Variants in HSPA12A observed in about 807,000 individuals in gnomAD.
HSPA12A encodes heat shock 70 kDa protein 12A.
In HSPA12A, 28 loss-of-function variants were observed where a neutral mutation model predicts 69.2. That is an observed-to-expected ratio of 0.40 (90% CI 0.30 to 0.55). HSPA12A has a LOEUF of 0.55. Among genes scored for constraint, HSPA12A ranks in the 20% least tolerant of loss-of-function variants. The pLI is 0.38. For missense variants in HSPA12A, 686 were observed against 900.7 expected (o/e 0.76, Z 3.05); for synonymous variants, 345 against 370.5 (o/e 0.93, Z 0.79).
chr10:116,701,229 G>A (rs2132966379), intron 3 of HSPA12A, 100 bp from the exon 4 acceptor site: 2 of 1,160,498 alleles, frequency 1.7e-6, no homozygotes, highest in African/African-American at 1.5e-5. Context: ...TGTCAGTAAT[G>A]TGGGTGCCCA....
chr10:116,742,582 G>T, upstream of HSPA12A: 7 of 1,132,898 alleles, frequency 6.2e-6, no homozygotes, highest in African/African-American at 4.9e-5. Flanking sequence ...GCCGGGCAGC[G>T]GGAGCGCTGC....
At chr10:116,798,390 T>C (rs1044424071) in intron 2 of HSPA12A, among the ~76,000 whole-genome samples, 7 of 152,182 alleles carry the variant, frequency 4.6e-5, no homozygotes, top group African/African-American at 1.7e-4. Context: ...GCCCCCCTGC[T>C]GGCCACTAAG....
At chr10:116,736,384 C>T (rs1489241982) in intron 1 of HSPA12A, among the ~76,000 whole-genome samples, 5 of 152,168 alleles carry the variant, frequency 3.3e-5, no homozygotes, top group Non-Finnish European at 7.3e-5. Context: ...ACACAGAAGA[C>T]TCTCCAACAC....
chr10:116,697,030 C>G (rs114648762), intron 5 of HSPA12A, among the ~76,000 whole-genome samples: 5 of 152,236 alleles, frequency 3.3e-5, no homozygotes, highest in Admixed American at 2.0e-4. Flanking sequence ...TGACCACACA[C>G]TCCTGTATAC....
At chr10:116,797,765 A>C (rs1402351320) in intron 2 of HSPA12A, among the ~76,000 whole-genome samples, 1 of 152,194 alleles carries the variant, frequency 6.6e-6, no homozygotes, top group Non-Finnish European at 1.5e-5. Flanking sequence ...TGTGAGGGGC[A>C]GGGATGAACA....
chr10:116,815,248 CAAAAAAAAAAA>C (rs61008848), intron 2 of HSPA12A, among the ~76,000 whole-genome samples: 4 of 102,108 alleles, frequency 3.9e-5, no homozygotes, highest in Admixed American at 2.3e-4. Context: ...ATCCAAAAGA[CAAAAAAAAAAA>C]AAAAAAAAAA....
At position 116,679,670 on chromosome 10, in the gene HSPA12A, G is replaced by A. The variant is rs1849347891; in HGVS notation, c.1119C>T (p.Ile373=). ...AGTCAACCCAGGCTGCAGGGCGTTT[G>A]ATTTTGAATTGTTCAATAAAATCCT... ...FGEDFIEQFK[I]KRPAAWVDLM... The change falls in exon 10 of 12, where the codon ATC becomes ATT. Residue 373 remains isoleucine, a synonymous_variant. Transcript: ENST00000369209. 4.3e-6 allele frequency: 7 copies of A among 1,614,244 alleles called. No individual in the cohort carries two copies. The highest frequency in any genetic ancestry group is 5.9e-6 in the Non-Finnish European group (7 of 1,180,036).
chr10:116,848,126 A>T (rs1023780462), intron 1 of HSPA12A, among the ~76,000 whole-genome samples: 1 of 152,266 alleles, frequency 6.6e-6, no homozygotes, highest in Admixed American at 6.5e-5. Context: ...CTCAACACCT[A>T]TTCAGCAGAG....
chr10:116,749,910 T>C (rs1851735123), intron 2 of HSPA12A: 1 of 170,250 alleles, frequency 5.9e-6, no homozygotes, highest in Admixed American at 5.8e-5. Context: ...AGGACAGGGT[T>C]TGTTAAAGTT....
At chr10:116,701,246 C>T in intron 3 of HSPA12A, 117 bp from the exon 4 acceptor site, 1 of 926,452 alleles carries the variant, frequency 1.1e-6, no homozygotes, top group Middle Eastern at 3.1e-4. Context: ...CCCAGAGGCA[C>T]TCTGCTTCAG....
intron 2 of HSPA12A, among the ~76,000 whole-genome samples, chr10:116,762,535 G>A (rs567138113): frequency 6.6e-6 from 1 of 152,030 alleles, no homozygotes; most frequent in South Asian, 2.1e-4. Flanking sequence ...ACACTGCCTG[G>A]AAAACCCACT....
At chr10:116,728,527 C>T (rs1665644) in intron 1 of HSPA12A, among the ~76,000 whole-genome samples, 101,377 of 152,012 alleles carry the variant, frequency 0.67, 34,750 homozygotes, top group Middle Eastern at 0.86. Flanking sequence ...TCCTCAGTGA[C>T]GAATGTAGGC....
rs1306363663 is a variant in HSPA12A, at chr10:116,686,573, G to T, written c.664-2611C>A. On this transcript the variant is annotated intron_variant, in intron 6 of 11. Coordinates refer to ENST00000369209, the MANE Select transcript of HSPA12A (RefSeq NM_025015.3). This position sits in a 1 kb window ranked among gnomAD's most constrained non-coding sequence, Gnocchi z 4.1. The stretch of plus-strand genomic sequence containing the variant: ...GCAAAGACCCAGACGCTACATTACG[G>T]TTACCATGTCCCACTGGGATGTCAG... Among the ~76,000 whole-genome samples the T allele has an allele frequency of 6.6e-6, 1 of 152,218 alleles. No individual in the cohort carries two copies. Among genetic ancestry groups the T allele is most frequent in the Non-Finnish European group, 1.5e-5 (1 of 68,028 alleles).
At position 116,690,397 on chromosome 10, in the gene HSPA12A, A is replaced by C. The variant is rs909462166; in HGVS notation, c.663+1954T>G. Among the ~76,000 whole-genome samples, 7 of 152,240 alleles carry C rather than the reference A, an allele frequency of 4.6e-5. 1 individual carries two copies. Among genetic ancestry groups the C allele is most frequent in the African/African-American group, 1.7e-4 (7 of 41,452 alleles). Reference sequence around the variant, plus strand: ...TTTAGGTTTGTTTAATGAATAAATAAATGCATGAACAAAAAAAGCAATTGA... The same window carrying C: ...TTTAGGTTTGTTTAATGAATAAATACATGCATGAACAAAAAAAGCAATTGA... On this transcript the variant is annotated intron_variant, in intron 6 of 11. Coordinates refer to ENST00000369209, the MANE Select transcript of HSPA12A (RefSeq NM_025015.3).
intron 1 of HSPA12A, among the ~76,000 whole-genome samples, chr10:116,736,752 G>A (rs560054495): frequency 6.6e-6 from 1 of 152,318 alleles, no homozygotes; most frequent in African/African-American, 2.4e-5. Flanking sequence ...AGAGCCTCCA[G>A]AAGGAATACA....
chr10:116,762,307 C>T (rs1336177056), intron 2 of HSPA12A, among the ~76,000 whole-genome samples: 4 of 152,236 alleles, frequency 2.6e-5, no homozygotes, highest in Admixed American at 2.0e-4. Context: ...CCTCTGGTCC[C>T]AATCCCTCAC....
intron 2 of HSPA12A, among the ~76,000 whole-genome samples, chr10:116,822,775 G>A (rs1414242909): frequency 6.6e-6 from 1 of 152,172 alleles, no homozygotes; most frequent in Non-Finnish European, 1.5e-5. Context: ...GGATAGGCTG[G>A]GAACAAAGAT....
chr10:116,825,381 C>T (rs888541197), intron 2 of HSPA12A, among the ~76,000 whole-genome samples: 107 of 151,668 alleles, frequency 7.1e-4, no homozygotes, highest in African/African-American at 2.6e-3. Flanking sequence ...CATGGTGGCT[C>T]GTGCCTGTAG....
intron 2 of HSPA12A, among the ~76,000 whole-genome samples, chr10:116,776,028 T>G (rs1844328633): frequency 6.6e-6 from 1 of 152,194 alleles, no homozygotes; most frequent in African/African-American, 2.4e-5. Flanking sequence ...CTGCGTCCCC[T>G]CTGGCCTCCA....
Sources: gnomAD v4.1 joint callset for allele counts (sites outside exome capture counted in the v4.1 genomes callset) on GRCh38, gnomAD v4.1.1 for gene constraint, Gnocchi (gnomAD v3.1) non-coding constraint, MANE v1.5 for transcripts, NCBI Gene and HGNC (gene_info 2026-07-23, HGNC 2026-07-21) for gene names.